The following DYRK1A variants were observed in gnomAD, a reference collection of about 807,000 sequenced individuals.
DYRK1A encodes the protein dual specificity tyrosine phosphorylation regulated kinase 1A, also known as dual specificity tyrosine-phosphorylation-regulated kinase 1A.
DYRK1A carries 9 observed loss-of-function variants against 79.7 expected under a neutral mutation model. That is an observed-to-expected ratio of 0.11 (90% CI 0.07 to 0.20). The LOEUF is 0.20. Ranked by LOEUF, DYRK1A falls within the 10% of genes least tolerant of loss-of-function variation. The probability of loss-of-function intolerance (pLI) is 1.00; values close to 1 mark genes in which losing one functional copy is unlikely to be tolerated. For missense variants in DYRK1A, 622 were observed against 956.0 expected, an observed-to-expected ratio of 0.65 and a Z score of 4.61; for synonymous variants, 349 against 329.7, an observed-to-expected ratio of 1.06 and a Z score of -0.63.
intron 1 of DYRK1A, among the ~76,000 whole-genome samples, chr21:37,394,458 A>C (rs1208188745): frequency 3.9e-5 from 6 of 152,160 alleles, no homozygotes; most frequent in Admixed American, 3.9e-4. Context: ...TAGAACAATG[A>C]ATACTTTATG....
rs1049777 is a variant in DYRK1A, at chr21:37,486,517, A to C, written c.540A>C (p.Ile180=). Residue 180 remains isoleucine (I), a synonymous_variant, in exon 6 of 12, where the codon ATA becomes ATC. Coordinates refer to ENST00000647188, the MANE Select transcript of DYRK1A (RefSeq NM_001347721.2). The part of the protein sequence containing the change: ...RVEQEWVAIK[I]IKNKKAFLNQ... Reference sequence around the variant, plus strand: ...AGCAAGAATGGGTTGCCATTAAAATAATAAAGAACAAGAAGGCTTTTCTGA... The same window carrying C: ...AGCAAGAATGGGTTGCCATTAAAATCATAAAGAACAAGAAGGCTTTTCTGA... 1.3e-6 allele frequency: 2 copies of C among 1,597,106 alleles called. No individual in the cohort carries two copies. The highest frequency in any genetic ancestry group is 1.8e-5 in the Admixed American group (1 of 56,532).
At chr21:37,503,656 C>CA (rs2053516279) in intron 9 of DYRK1A, 1 of 152,226 alleles carries the variant, frequency 6.6e-6, no homozygotes, top group South Asian at 2.1e-4. Context: ...CTCCTGGACT[C>CA]AAGCAGTCTT....
At chr21:37,403,663 A>ATATGTG (rs1205913356) in intron 1 of DYRK1A, among the ~76,000 whole-genome samples, 12 of 121,518 alleles carry the variant, frequency 9.9e-5, no homozygotes, top group South Asian at 8.9e-4. Flanking sequence ...ATATATATAT[A>ATATGTG]TGTGTGTGTG....
intron 1 of DYRK1A, among the ~76,000 whole-genome samples, chr21:37,371,798 C>G (rs977167503): frequency 1.9e-4 from 29 of 151,856 alleles, no homozygotes; most frequent in Admixed American, 2.6e-4. Context: ...TTGGGGGGGG[C>G]CCAGTGAACT....
chr21:37,372,700 T>G (rs1350017108), intron 1 of DYRK1A, among the ~76,000 whole-genome samples: 9 of 152,174 alleles, frequency 5.9e-5, no homozygotes, highest in African/African-American at 2.2e-4. Flanking sequence ...CATAGGAATC[T>G]TGTGAAAATT....
intron 1 of DYRK1A, among the ~76,000 whole-genome samples, chr21:37,395,319 GT>G (rs1276902172): frequency 2.0e-5 from 3 of 152,166 alleles, no homozygotes; most frequent in African/African-American, 7.2e-5. Context: ...TTTAGGCCCT[GT>G]ATTCTTATTC....
chr21:37,514,836 CAT>C lies in DYRK1A; in HGVS notation c.*2306_*2307del, dbSNP rs2053855502. The C allele has an allele frequency of 6.6e-6, 1 of 152,262 alleles. No homozygotes were observed. Among genetic ancestry groups the C allele is most frequent in the African/African-American group, 2.4e-5 (1 of 41,200 alleles). The allele number at this position is 152,262 out of a possible 1,614,324, so 9.4% of individuals were successfully genotyped here. On this transcript the variant is annotated 3_prime_UTR_variant, in exon 12 of 12. Transcript: ENST00000647188. ...GGTTAAGATATCATATGGGTCAGGT[CAT>C]TTTTTTTTTCTGTGCTGGTTGCCAC...
At chr21:37,495,152 T>TTTTTTGTGTG (rs368928655) in intron 8 of DYRK1A, among the ~76,000 whole-genome samples, 4 of 137,648 alleles carry the variant, frequency 2.9e-5, no homozygotes, top group African/African-American at 1.1e-4. Flanking sequence ...CTCTGGGATT[T>TTTTTTGTGTG]TGTGTGTGTG....
intron 11 of DYRK1A, among the ~76,000 whole-genome samples, chr21:37,508,173 T>C (rs2053650737): frequency 6.6e-6 from 1 of 152,352 alleles, no homozygotes; most frequent in African/African-American, 2.4e-5. Flanking sequence ...ACCTCATTGT[T>C]ATGACTTGTC....
chr21:37,505,781 A>G lies in DYRK1A; in HGVS notation c.1519+192A>G, dbSNP rs529154213. On this transcript the variant is annotated intron_variant, in intron 10 of 11. Transcript: ENST00000647188. ...AATATTTAGTTACGCATGTAATAAAATCTGCTTGGCAGTTGGAAATCTGTT... is the reference window on the plus strand; with the variant it reads ...AATATTTAGTTACGCATGTAATAAAGTCTGCTTGGCAGTTGGAAATCTGTT... Among the ~76,000 whole-genome samples, 18 of 152,364 alleles carry G rather than the reference A, an allele frequency of 1.2e-4. No individual in the cohort carries two copies. In the South Asian group the frequency reaches 2.3e-3, roughly 19 times the overall value.
Position 37,525,901 on chromosome 21 carries a change from A to C in DYRK1A, c.*13370A>C, listed in dbSNP as rs1160659297. The stretch of plus-strand genomic sequence containing the variant: ...TTCTGAATGAGAACTGCCCCGAACC[A>C]CCGTTACTAAACACTGAATAGTTTT... On this transcript the variant is annotated 3_prime_UTR_variant, in exon 12 of 12. Coordinates refer to ENST00000647188, the MANE Select transcript of DYRK1A (RefSeq NM_001347721.2). 16 of 152,202 alleles carry C rather than the reference A, an allele frequency of 1.1e-4. No homozygotes were observed. The highest frequency in any genetic ancestry group is 2.2e-4 in the Non-Finnish European group (15 of 68,036). The allele number at this position is 152,202 out of a possible 1,614,324, so 9.4% of individuals were successfully genotyped here.
intron 2 of DYRK1A, among the ~76,000 whole-genome samples, chr21:37,426,211 A>G (rs1333522251): frequency 6.6e-6 from 1 of 152,186 alleles, no homozygotes; most frequent in Non-Finnish European, 1.5e-5. Context: ...ATATTTTGGG[A>G]TCCTTCATGA....
chr21:37,390,168 C>T (rs2049843599), intron 1 of DYRK1A, among the ~76,000 whole-genome samples: 1 of 152,104 alleles, frequency 6.6e-6, no homozygotes, highest in Admixed American at 6.6e-5. Context: ...TCTCCATATT[C>T]ACTGGTCCCC....
intron 1 of DYRK1A, among the ~76,000 whole-genome samples, chr21:37,387,328 T>C (rs1469520919): frequency 6.6e-6 from 1 of 152,242 alleles, no homozygotes; most frequent in African/African-American, 2.4e-5. Context: ...ATTCCATGCT[T>C]AATTATGACT....
At chr21:37,493,962 A>T (rs1337533834) in intron 8 of DYRK1A, among the ~76,000 whole-genome samples, 1 of 116,084 alleles carries the variant, frequency 8.6e-6, no homozygotes, top group African/African-American at 3.4e-5. Flanking sequence ...TTTCCCGGAG[A>T]TGGAGTCTTG....
Position 37,469,023 on chromosome 21 carries a change from T to G in DYRK1A, c.11-3661T>G, listed in dbSNP as rs114354302. Among the ~76,000 whole-genome samples the G allele has an allele frequency of 1.9e-3, 284 of 152,306 alleles. 1 individual carries two copies. Among genetic ancestry groups the G allele is most frequent in the African/African-American group, 6.5e-3 (272 of 41,554 alleles). On this transcript the variant is annotated intron_variant, in intron 2 of 11. Transcript: ENST00000647188. ...AATAGAAAAGCAACCTGAATGTACA[T>G]TTCACGATGTGATGTATAAGTGGCC...
intron 2 of DYRK1A, among the ~76,000 whole-genome samples, chr21:37,450,143 TC>T (rs545232008): frequency 1.4e-4 from 21 of 152,136 alleles, no homozygotes; most frequent in Non-Finnish European, 2.4e-4. Flanking sequence ...CCATCAAGAC[TC>T]CAGAGTCTGA....
Position 37,493,010 on chromosome 21 carries a change from A to G in DYRK1A, c.925-7A>G, listed in dbSNP as rs368709556. 6 of 1,586,998 alleles carry G rather than the reference A, an allele frequency of 3.8e-6. No homozygotes were observed. Among genetic ancestry groups the G allele is most frequent in the Non-Finnish European group, 5.2e-6 (6 of 1,159,188 alleles). On this transcript the variant is annotated splice_region_variant and splice_polypyrimidine_tract_variant and intron_variant, in intron 7 of 11. Coordinates refer to ENST00000647188, the MANE Select transcript of DYRK1A (RefSeq NM_001347721.2). ...TTGAAGTAATACTATTTTGAAATATATTTCAGATATACCAGTATATTCAGA... is the reference window on the plus strand; with the variant it reads ...TTGAAGTAATACTATTTTGAAATATGTTTCAGATATACCAGTATATTCAGA...
intron 7 of DYRK1A, among the ~76,000 whole-genome samples, chr21:37,492,340 T>C (rs1232267217): frequency 1.3e-5 from 2 of 152,216 alleles, no homozygotes; most frequent in Admixed American, 6.5e-5. Context: ...TTTCCACTTT[T>C]AATAAGTGAA....
Sources: gnomAD v4.1 joint callset for allele counts (sites outside exome capture counted in the v4.1 genomes callset) on GRCh38, gnomAD v4.1.1 for gene constraint, MANE v1.5 for transcripts, NCBI Gene and HGNC (gene_info 2026-07-23, HGNC 2026-07-21) for gene names.